Variants in SERGEF observed in about 807,000 individuals in gnomAD.
SERGEF encodes the protein secretion regulating guanine nucleotide exchange factor.
In SERGEF, 51 loss-of-function variants were observed where a neutral mutation model predicts 50.0. The ratio of observed to expected loss-of-function variants is 1.02; its 90% CI spans 0.81 to 1.29. SERGEF has a LOEUF of 1.29. Among genes scored for constraint, SERGEF ranks in the 50% most tolerant of loss-of-function variants. The probability of loss-of-function intolerance (pLI) is 0.00; values close to 1 mark genes in which losing one functional copy is unlikely to be tolerated. For synonymous variants in SERGEF, 205 were observed against 212.4 expected, an observed-to-expected ratio of 0.97 and a Z score of 0.30; for missense variants, 521 against 557.0, an observed-to-expected ratio of 0.94 and a Z score of 0.65.
chr11:17,870,202 C>T (rs879804807), intron 10 of SERGEF, among the ~76,000 whole-genome samples: 5 of 152,198 alleles, frequency 3.3e-5, no homozygotes, highest in Admixed American at 3.3e-4. Context: ...CCCAGCCACA[C>T]TGAACTGTGA....
chr11:17,968,533 C>T (rs1053038713), intron 8 of SERGEF, among the ~76,000 whole-genome samples: 2 of 151,954 alleles, frequency 1.3e-5, no homozygotes, highest in African/African-American at 4.8e-5. Flanking sequence ...AAGATCCTGT[C>T]TCTACAAACA....
chr11:17,946,114 C>T (rs1247194467), intron 9 of SERGEF, among the ~76,000 whole-genome samples: 1 of 152,204 alleles, frequency 6.6e-6, no homozygotes, highest in Non-Finnish European at 1.5e-5. Flanking sequence ...TCTCATTATA[C>T]AGATTAGGAA....
intron 4 of SERGEF, chr11:18,002,160 C>T (rs1294785820): frequency 2.7e-6 from 1 of 371,574 alleles, no homozygotes; most frequent in Admixed American, 3.3e-5. Context: ...TTTGTTTTTC[C>T]CCAAAAAACT....
At chr11:17,961,593 T>C (rs571660575) in intron 8 of SERGEF, among the ~76,000 whole-genome samples, 1 of 152,372 alleles carries the variant, frequency 6.6e-6, no homozygotes, top group Non-Finnish European at 1.5e-5. Context: ...CAGGCAAGAC[T>C]GGCAGAATAT....
At chr11:17,892,553 T>C (rs374621601) in intron 9 of SERGEF, among the ~76,000 whole-genome samples, 3 of 152,314 alleles carry the variant, frequency 2.0e-5, no homozygotes, top group African/African-American at 7.2e-5. Flanking sequence ...AACAAATAAC[T>C]GTTTCTCGTA....
At chr11:17,951,980 C>T (rs2133964816) in intron 9 of SERGEF, among the ~76,000 whole-genome samples, 1 of 152,288 alleles carries the variant, frequency 6.6e-6, no homozygotes, top group East Asian at 1.9e-4. Context: ...GCCCTAATCT[C>T]ATCACTCCAG....
chr11:18,012,978 G>A lies in SERGEF; in HGVS notation c.33C>T (p.Ala11=), dbSNP rs1230528659. MEREPSASEA[A]PAAAALFAWG... is the part of the protein sequence containing the mutation. The stretch of plus-strand genomic sequence containing the variant: ...AGGCGAAGAGCGCGGCCGCCGCGGG[G>A]GCGGCCTCCGAGGCGCTGGGCTCGC... Residue 11 remains alanine, a synonymous_variant, in exon 1 of 11, where the codon GCC becomes GCT. Transcript: ENST00000265965. 6.1e-6 allele frequency: 9 copies of A among 1,469,836 alleles called. No individual in the cohort carries two copies. Among genetic ancestry groups the A allele is most frequent in the Non-Finnish European group, 8.0e-6 (9 of 1,120,168 alleles). 91.0% of individuals were successfully genotyped at this position (1,469,836 alleles called of 1,614,324 possible). A position where few individuals can be genotyped will look rare whatever the true frequency, so the allele number is the denominator to read the frequency against.
intron 10 of SERGEF, among the ~76,000 whole-genome samples, chr11:17,797,996 G>A (rs1849600204): frequency 6.6e-6 from 1 of 152,148 alleles, no homozygotes; most frequent in Non-Finnish European, 1.5e-5. Context: ...AATTTGTGTG[G>A]TGGTGTGTGT....
intron 10 of SERGEF, among the ~76,000 whole-genome samples, chr11:17,806,887 C>T (rs912983299): frequency 1.3e-5 from 2 of 151,964 alleles, no homozygotes; most frequent in Non-Finnish European, 2.9e-5. Context: ...CAATTGTGTA[C>T]CCCATCTACA....
chr11:17,811,157 A>G (rs1459551991), intron 10 of SERGEF, among the ~76,000 whole-genome samples: 1 of 152,222 alleles, frequency 6.6e-6, no homozygotes, highest in Non-Finnish European at 1.5e-5. Flanking sequence ...CCCAATTCCT[A>G]AATGTTTCAG....
intron 8 of SERGEF, among the ~76,000 whole-genome samples, chr11:17,961,339 A>C (rs1476527671): frequency 6.6e-6 from 1 of 152,198 alleles, no homozygotes; most frequent in African/African-American, 2.4e-5. Context: ...CAAAACTGGC[A>C]AATTGTCCCT....
At chr11:17,905,039 T>C (rs1177167920) in intron 9 of SERGEF, among the ~76,000 whole-genome samples, 1 of 152,240 alleles carries the variant, frequency 6.6e-6, no homozygotes, top group African/African-American at 2.4e-5. Context: ...CCTACACAAA[T>C]ACTTCATTTG....
intron 10 of SERGEF, among the ~76,000 whole-genome samples, chr11:17,809,408 A>G (rs1252966577): frequency 1.2e-4 from 18 of 152,254 alleles, no homozygotes; most frequent in African/African-American, 3.6e-4. Flanking sequence ...GGAAGCCACT[A>G]AGGCTTTTGG....
chr11:17,957,349 C>T (rs1268146137), intron 9 of SERGEF, among the ~76,000 whole-genome samples: 1 of 152,184 alleles, frequency 6.6e-6, no homozygotes, highest in Non-Finnish European at 1.5e-5. Context: ...TGCATGTTAT[C>T]CTTACCAATA....
At chr11:17,854,911 T>C (rs1040848627) in intron 10 of SERGEF, 4 of 152,178 alleles carry the variant, frequency 2.6e-5, no homozygotes, top group African/African-American at 9.7e-5. Flanking sequence ...GTCCTTTATA[T>C]ATATTATCCC....
chr11:17,794,439 A>G (rs1849540608), intron 10 of SERGEF, among the ~76,000 whole-genome samples: 1 of 152,196 alleles, frequency 6.6e-6, no homozygotes, highest in Admixed American at 6.5e-5. Flanking sequence ...TACTACGTCC[A>G]TTTTACAGAT....
chr11:17,936,211 C>G lies in SERGEF; in HGVS notation c.1011+23259G>C, dbSNP rs554220889. Reference sequence around the variant, plus strand: ...TTAATTGCTGCACTTGGCTCCACAACAAGCCAAGAATGTGACCAAAAAGAA... The same window carrying G: ...TTAATTGCTGCACTTGGCTCCACAAGAAGCCAAGAATGTGACCAAAAAGAA... On this transcript the variant is annotated intron_variant, in intron 9 of 10. Transcript: ENST00000265965. Among the ~76,000 whole-genome samples, 18 of 152,308 alleles carry G rather than the reference C, an allele frequency of 1.2e-4. 1 individual carries two copies. The South Asian group carries it at 3.7e-3, about 32-fold the overall frequency.
intron 9 of SERGEF, among the ~76,000 whole-genome samples, chr11:17,890,599 T>C (rs902557895): frequency 2.0e-5 from 3 of 152,132 alleles, no homozygotes; most frequent in African/African-American, 4.8e-5. Context: ...TGATTGATTT[T>C]TTGTAGAGAT....
At chr11:17,819,010 T>C (rs1350193556) in intron 10 of SERGEF, among the ~76,000 whole-genome samples, 2 of 152,248 alleles carry the variant, frequency 1.3e-5, no homozygotes. Context: ...GCTGTCTAGC[T>C]TTCCTCTATG....
Sources: allele counts gnomAD v4.1 joint callset (sites outside exome capture counted in the v4.1 genomes callset), GRCh38; gene constraint gnomAD v4.1.1; transcripts MANE v1.5; gene names NCBI Gene and HGNC (gene_info 2026-07-23, HGNC 2026-07-21).